Variants in SNRPN observed in about 807,000 individuals in gnomAD.
SNRPN encodes small nuclear ribonucleoprotein-associated protein N.
A neutral mutation model predicts 25.2 loss-of-function variants in SNRPN; 7 were observed. That is an observed-to-expected ratio of 0.28 (90% CI 0.16 to 0.52). The LOEUF (loss-of-function observed/expected upper bound fraction) is 0.52. Among genes scored for constraint, SNRPN ranks in the 20% least tolerant of loss-of-function variants. The pLI is 0.96. For missense variants in SNRPN, 196 were observed against 322.5 expected (o/e 0.61, Z 3.00); for synonymous variants, 124 against 110.6 (o/e 1.12, Z -0.76).
At chr15:24,826,430 T>C (rs534798866) in intron 1 of SNRPN, among the ~76,000 whole-genome samples, 1 of 152,250 alleles carries the variant, frequency 6.6e-6, no homozygotes. Flanking sequence ...ACTGTGCTCA[T>C]TGCCTGATGT....
intron 1 of SNRPN, among the ~76,000 whole-genome samples, chr15:24,884,148 C>CAAAAAA (rs61039873): frequency 6.7e-5 from 7 of 104,846 alleles, no homozygotes; most frequent in Middle Eastern, 6.1e-3. Context: ...CCTGCCTCTA[C>CAAAAAA]AAAAAAAAAA....
chr15:24,904,532 G>A (rs2058674615), intron 2 of SNRPN, among the ~76,000 whole-genome samples: 1 of 152,028 alleles, frequency 6.6e-6, no homozygotes, highest in Non-Finnish European at 1.5e-5. Context: ...CCGCGCGCCT[G>A]TAATCCCAGC....
intron 1 of SNRPN, among the ~76,000 whole-genome samples, chr15:24,860,517 G>A (rs2053896484): frequency 2.6e-5 from 4 of 152,062 alleles, no homozygotes; most frequent in Admixed American, 2.6e-4. Context: ...TTATGATGAG[G>A]TTACTTCCAG....
At chr15:24,879,767 T>C (rs2056400024) in intron 1 of SNRPN, among the ~76,000 whole-genome samples, 1 of 152,240 alleles carries the variant, frequency 6.6e-6, no homozygotes, top group Non-Finnish European at 1.5e-5. Flanking sequence ...CATTTTTGTA[T>C]TGCCGATAGC....
At chr15:24,942,710 T>C (rs1254552681) in intron 3 of SNRPN, among the ~76,000 whole-genome samples, 1 of 152,128 alleles carries the variant, frequency 6.6e-6, no homozygotes, top group Non-Finnish European at 1.5e-5. Context: ...TTCAGTGTAA[T>C]CAACCTGCCA....
At chr15:24,911,182 G>T in intron 2 of SNRPN, 1 of 487,326 alleles carries the variant, frequency 2.1e-6, no homozygotes, top group Non-Finnish European at 3.4e-6. Context: ...ATTTTTAAAG[G>T]GAAGTTGAAC....
chr15:24,899,602 A>G (rs964731551), intron 2 of SNRPN, among the ~76,000 whole-genome samples: 1 of 152,198 alleles, frequency 6.6e-6, no homozygotes, highest in Non-Finnish European at 1.5e-5. Context: ...CCTACAACGC[A>G]TGACAGTCAG....
chr15:24,925,884 G>A (rs901975869), intron 3 of SNRPN, among the ~76,000 whole-genome samples: 8 of 152,024 alleles, frequency 5.3e-5, no homozygotes, highest in Non-Finnish European at 8.8e-5. Context: ...GGTAGCGCCC[G>A]CAACCACACC....
At chr15:24,908,968 T>G in intron 2 of SNRPN, 1 of 1,376,722 alleles carries the variant, frequency 7.3e-7, no homozygotes, top group Non-Finnish European at 1.0e-6. Flanking sequence ...TGAGGAAGCT[T>G]GCATTCTTTT....
At position 24,900,984 on chromosome 15, in the gene SNRPN, C is replaced by A. The variant is rs114137505; in HGVS notation, c.-505+14395C>A. Among the ~76,000 whole-genome samples, 215 of 152,214 alleles carry A rather than the reference C, an allele frequency of 1.4e-3. 1 individual carries two copies. The highest frequency in any genetic ancestry group is 4.9e-3 in the African/African-American group (204 of 41,536). On this transcript the variant is annotated intron_variant, in intron 2 of 11. Transcript: ENST00000400097. Reference sequence around the variant, plus strand: ...GAGAGTGGTGCACCTGTAGTCCCAGCTACTTGGGGGCTGAGATCAGAGGAT... The same window carrying A: ...GAGAGTGGTGCACCTGTAGTCCCAGATACTTGGGGGCTGAGATCAGAGGAT...
At chr15:24,825,263 T>C (rs934990841) in intron 1 of SNRPN, among the ~76,000 whole-genome samples, 3 of 149,944 alleles carry the variant, frequency 2.0e-5, no homozygotes, top group Non-Finnish European at 4.5e-5. Context: ...TATTATGACC[T>C]CGCGCCATTG....
At chr15:24,913,753 G>C (rs2059360392) in intron 2 of SNRPN, among the ~76,000 whole-genome samples, 1 of 152,058 alleles carries the variant, frequency 6.6e-6, no homozygotes, top group South Asian at 2.1e-4. Context: ...ACAAAATAAA[G>C]ATTAACAAGA....
At chr15:24,902,921 G>A (rs561290142) in intron 2 of SNRPN, among the ~76,000 whole-genome samples, 18 of 152,288 alleles carry the variant, frequency 1.2e-4, no homozygotes, top group East Asian at 1.2e-3. Flanking sequence ...TGCTGGCTCC[G>A]GTGGCCAGCT....
At chr15:24,947,813 A>T (rs1049706354) in intron 3 of SNRPN, among the ~76,000 whole-genome samples, 11 of 152,196 alleles carry the variant, frequency 7.2e-5, no homozygotes, top group Non-Finnish European at 1.5e-4. Context: ...GGAAAAAGAA[A>T]GTAATTTATA....
chr15:24,834,751 C>CTCTCTATATATA, intron 2 of SNRPN, among the ~76,000 whole-genome samples: 35 of 60,948 alleles, frequency 5.7e-4, no homozygotes, highest in African/African-American at 9.5e-4. Context: ...CTCTCTCTCT[C>CTCTCTATATATA]TATATATATA....
At chr15:24,887,004 C>T (rs12904119) in intron 2 of SNRPN, among the ~76,000 whole-genome samples, 7,487 of 152,148 alleles carry the variant, frequency 0.049, 192 homozygotes, top group Non-Finnish European at 0.06. Flanking sequence ...GGCTTTTAAT[C>T]GTTAAGTATC....
At chr15:24,944,356 A>G (rs943167219) in intron 3 of SNRPN, among the ~76,000 whole-genome samples, 3 of 152,196 alleles carry the variant, frequency 2.0e-5, no homozygotes, top group African/African-American at 7.2e-5. Flanking sequence ...TAGTTTGACA[A>G]AATGTTTGAA....
At chr15:24,897,871 T>C (rs1268213884) in intron 2 of SNRPN, among the ~76,000 whole-genome samples, 1 of 152,188 alleles carries the variant, frequency 6.6e-6, no homozygotes, top group East Asian at 1.9e-4. Flanking sequence ...GAAACCTCTT[T>C]CTTTATAAAT....
intron 2 of SNRPN, among the ~76,000 whole-genome samples, chr15:24,892,739 CAAATAAAT>C (rs58113225): frequency 6.7e-6 from 1 of 150,126 alleles, no homozygotes; most frequent in Admixed American, 6.6e-5. Flanking sequence ...TCCATCTCAA[CAAATAAAT>C]AAATAAATAA....
Sources: gnomAD v4.1 joint callset for allele counts (sites outside exome capture counted in the v4.1 genomes callset) on GRCh38, gnomAD v4.1.1 for gene constraint, MANE v1.5 for transcripts, NCBI Gene and HGNC (gene_info 2026-07-23, HGNC 2026-07-21) for gene names.